The following XXYLT1 variants were observed in gnomAD, a reference collection of about 807,000 sequenced individuals.
XXYLT1 encodes the protein xyloside xylosyltransferase 1.
Under a neutral mutation model 28.9 loss-of-function variants are expected in XXYLT1, and 20 were observed. That is an observed-to-expected ratio of 0.69 (90% confidence interval 0.49 to 1.00). XXYLT1 has a LOEUF of 1.00. Among genes scored for constraint, XXYLT1 ranks in the 50% least tolerant of loss-of-function variants. The pLI is 0.00. For synonymous variants in XXYLT1, 257 were observed against 253.8 expected, an observed-to-expected ratio of 1.01 and a Z score of -0.12; for missense variants, 542 against 560.1, an observed-to-expected ratio of 0.97 and a Z score of 0.33.
chr3:195,242,425 A>G (rs1216831474), intron 1 of XXYLT1, among the ~76,000 whole-genome samples: 1 of 152,228 alleles, frequency 6.6e-6, no homozygotes, highest in Non-Finnish European at 1.5e-5. Context: ...AACTACTGAT[A>G]CGACTTTGAT....
rs907478677 is a variant in XXYLT1 at position 195,106,529 on chromosome 3, G to C, written c.786-36418C>G. On this transcript the variant is annotated intron_variant, in intron 3 of 3. Coordinates refer to ENST00000310380, the MANE Select transcript of XXYLT1 (RefSeq NM_152531.5). ...AACCTTCCAGGGCTCGGTGATTCGG[G>C]GCTGCGGTGGGAGGGCCCTGAGTTC... Among the ~76,000 whole-genome samples the C allele has an allele frequency of 3.9e-5, 6 of 152,244 alleles. No homozygotes were observed. The South Asian group carries it at 1.0e-3, about 26-fold the overall frequency.
intron 2 of XXYLT1, among the ~76,000 whole-genome samples, chr3:195,187,751 C>T (rs1722264480): frequency 6.6e-6 from 1 of 152,188 alleles, no homozygotes; most frequent in Non-Finnish European, 1.5e-5. Context: ...TTCCACCGAA[C>T]ATGCTCTTAA....
rs775815001 is a variant in XXYLT1 at position 195,069,488 on chromosome 3, G to T, written c.*227C>A. On this transcript the variant is annotated 3_prime_UTR_variant, in exon 4 of 4. Transcript: ENST00000310380. The stretch of plus-strand genomic sequence containing the variant: ...ACTGGACATGCGTGTCCTTTGTGTC[G>T]CCTGCTCCCTGGAGGAATAAGGTCC... The T allele has an allele frequency of 1.2e-5, 7 of 571,968 alleles. No homozygotes were observed. Among genetic ancestry groups the T allele is most frequent in the Non-Finnish European group, 2.1e-5 (7 of 332,672 alleles). The allele number at this position is 571,968 out of a possible 1,614,324, so 35.4% of individuals were successfully genotyped here.
intron 3 of XXYLT1, among the ~76,000 whole-genome samples, chr3:195,110,343 G>GCATT (rs1560100879): frequency 1.9e-3 from 10 of 5,150 alleles, no homozygotes; most frequent in Non-Finnish European, 4.2e-3. Flanking sequence ...GTGTATGTGT[G>GCATT]TGGTGTGTGG....
At chr3:195,088,410 C>A (rs895398248) in intron 3 of XXYLT1, among the ~76,000 whole-genome samples, 1 of 145,086 alleles carries the variant, frequency 6.9e-6, no homozygotes, top group East Asian at 2.2e-4. Flanking sequence ...GGGAGGCACC[C>A]CCCAGCGGGG....
At chr3:195,248,040 A>T in intron 1 of XXYLT1, 2 of 513,504 alleles carry the variant, frequency 3.9e-6, no homozygotes, top group Non-Finnish European at 7.0e-6. Flanking sequence ...GCCAAACCTT[A>T]TCAGCCACTT....
intron 2 of XXYLT1, among the ~76,000 whole-genome samples, chr3:195,218,403 G>T (rs1249043295): frequency 2.0e-5 from 3 of 152,066 alleles, no homozygotes; most frequent in Non-Finnish European, 4.4e-5. Flanking sequence ...GAAAATTTTC[G>T]CAACCAACTC....
At chr3:195,200,852 G>C (rs1159061049) in intron 2 of XXYLT1, among the ~76,000 whole-genome samples, 2 of 152,080 alleles carry the variant, frequency 1.3e-5, no homozygotes, top group African/African-American at 4.8e-5. Flanking sequence ...GGGTCCGCTG[G>C]CTCCATCCTC....
chr3:195,081,928 A>G (rs1412808696), intron 3 of XXYLT1, among the ~76,000 whole-genome samples: 1 of 152,172 alleles, frequency 6.6e-6, no homozygotes, highest in African/African-American at 2.4e-5. Flanking sequence ...AAATGGACGA[A>G]TCGGCCAGAG....
chr3:195,214,133 G>A (rs1299306270), intron 2 of XXYLT1, among the ~76,000 whole-genome samples: 3 of 152,160 alleles, frequency 2.0e-5, no homozygotes, highest in African/African-American at 4.8e-5. Flanking sequence ...CTGAGGGGTA[G>A]AGAAGACAGC....
chr3:195,252,832 C>T (rs1180805747), intron 1 of XXYLT1, among the ~76,000 whole-genome samples: 2 of 151,528 alleles, frequency 1.3e-5, no homozygotes, highest in African/African-American at 2.4e-5. Context: ...ATGACTATAA[C>T]GTATGCTACA....
intron 2 of XXYLT1, among the ~76,000 whole-genome samples, chr3:195,221,435 G>A (rs545334813): frequency 6.6e-6 from 1 of 152,244 alleles, no homozygotes; most frequent in Non-Finnish European, 1.5e-5. Context: ...CTTGCAAACA[G>A]TAGCGCTTAG....
chr3:195,081,567 G>A (rs1261730133), intron 3 of XXYLT1, among the ~76,000 whole-genome samples: 2 of 152,162 alleles, frequency 1.3e-5, no homozygotes, highest in African/African-American at 4.8e-5. Flanking sequence ...TATAGGTTCT[G>A]GGGGCAGACA....
intron 3 of XXYLT1, among the ~76,000 whole-genome samples, chr3:195,130,405 G>A (rs557781866): frequency 1.3e-5 from 2 of 152,352 alleles, no homozygotes; most frequent in South Asian, 4.1e-4. Flanking sequence ...AGTGAAGATG[G>A]GGTGGACCCT....
At chr3:195,238,852 C>T (rs1724662463) in intron 1 of XXYLT1, among the ~76,000 whole-genome samples, 1 of 152,200 alleles carries the variant, frequency 6.6e-6, no homozygotes, top group South Asian at 2.1e-4. Flanking sequence ...AGGGTTCTCG[C>T]AGAAGGGAAG....
intron 3 of XXYLT1, among the ~76,000 whole-genome samples, chr3:195,106,080 C>T (rs1261441546): frequency 6.6e-6 from 1 of 152,164 alleles, no homozygotes; most frequent in Non-Finnish European, 1.5e-5. Flanking sequence ...TAAACGTGGT[C>T]TCTTTATCCA....
At chr3:195,137,335 T>C (rs1415447581) in intron 3 of XXYLT1, among the ~76,000 whole-genome samples, 2 of 152,228 alleles carry the variant, frequency 1.3e-5, no homozygotes, top group African/African-American at 4.8e-5. Context: ...AGCTGGCAAT[T>C]TACAAAACCA....
intron 3 of XXYLT1, among the ~76,000 whole-genome samples, chr3:195,148,841 GA>G (rs1720021217): frequency 1.3e-5 from 2 of 152,330 alleles, no homozygotes; most frequent in Non-Finnish European, 2.9e-5. Flanking sequence ...GGCCACAGCA[GA>G]TGTGTTTTTA....
intron 2 of XXYLT1, among the ~76,000 whole-genome samples, chr3:195,211,373 A>C (rs775532661): frequency 3.3e-5 from 5 of 152,210 alleles, no homozygotes; most frequent in African/African-American, 7.2e-5. Flanking sequence ...AGGCTGGGTG[A>C]CAGAGCAAGA....
Sources: allele counts gnomAD v4.1 joint callset (sites outside exome capture counted in the v4.1 genomes callset), GRCh38; gene constraint gnomAD v4.1.1; transcripts MANE v1.5; gene names NCBI Gene and HGNC (gene_info 2026-07-23, HGNC 2026-07-21).